Variants in CCDC77 observed in about 807,000 individuals in gnomAD.
CCDC77 encodes the protein coiled-coil domain containing 77, also known as coiled-coil domain-containing protein 77.
CCDC77 carries 56 observed loss-of-function variants against 66.8 expected under a neutral mutation model. The observed-to-expected ratio is 0.84, with a 90% confidence interval of 0.68 to 1.05. The LOEUF is 1.05. CCDC77 is among the 50% of genes least tolerant of loss of function. CCDC77 has a pLI of 0.00. For synonymous variants in CCDC77, 196 were observed against 195.2 expected, an observed-to-expected ratio of 1.00 and a Z score of -0.03; for missense variants, 570 against 576.8, an observed-to-expected ratio of 0.99 and a Z score of 0.12.
chr12:424,249 G>A (rs1591982505), intron 5 of CCDC77, among the ~76,000 whole-genome samples: 1 of 152,082 alleles, frequency 6.6e-6, no homozygotes, highest in East Asian at 1.9e-4. Context: ...GATTATAGAT[G>A]TGAGCCACCG....
chr12:413,132 G>A (rs7953355), intron 4 of CCDC77, among the ~76,000 whole-genome samples: 4,917 of 151,360 alleles, frequency 0.032, 212 homozygotes, highest in South Asian at 0.12. Context: ...TAGAGACGGG[G>A]TTTCACCGTG....
intron 9 of CCDC77, chr12:436,792 A>C: frequency 4.1e-6 from 4 of 982,716 alleles, no homozygotes; most frequent in South Asian, 9.4e-5. Flanking sequence ...CTTCCTAAGA[A>C]GGGCATGAAA....
intron 1 of CCDC77, among the ~76,000 whole-genome samples, 162 bp downstream of exon 1, chr12:401,846 A>G (rs1023771114): frequency 3.9e-5 from 6 of 152,160 alleles, no homozygotes; most frequent in African/African-American, 1.4e-4. Context: ...GGAAAGCTCC[A>G]ATGTGCAAAG....
At chr12:438,667 G>A in intron 10 of CCDC77, 113 bp downstream of exon 10, 1 of 736,284 alleles carries the variant, frequency 1.4e-6, no homozygotes, top group Non-Finnish European at 2.2e-6. Flanking sequence ...AGCTCTGGTA[G>A]CAGCTGCCTC....
chr12:407,913 G>T (rs1246834059), intron 2 of CCDC77, among the ~76,000 whole-genome samples: 1 of 146,016 alleles, frequency 6.8e-6, no homozygotes, highest in Non-Finnish European at 1.5e-5. Context: ...TCAGCCTCCC[G>T]AGTAGCTGGG....
intron 4 of CCDC77, among the ~76,000 whole-genome samples, chr12:412,925 T>C (rs907213676): frequency 1.3e-5 from 2 of 152,128 alleles, no homozygotes; most frequent in African/African-American, 4.8e-5. Context: ...CCTTCCTTTG[T>C]TTTTTCTCTG....
chr12:431,085 A>C (rs1945641289), intron 7 of CCDC77, among the ~76,000 whole-genome samples: 2 of 148,434 alleles, frequency 1.3e-5, no homozygotes, highest in East Asian at 2.0e-4. Flanking sequence ...AAAAAAAAAA[A>C]CAGAACACAC....
intron 4 of CCDC77, among the ~76,000 whole-genome samples, chr12:416,882 CGG>C (rs1945297064): frequency 1.3e-5 from 1 of 77,580 alleles, no homozygotes; most frequent in Admixed American, 2.1e-4. Flanking sequence ...CCGAGGCCGG[CGG>C]ATCACCTGGG....
Position 419,385 on chromosome 12 carries a change from G to A in CCDC77, c.413+749G>A, listed in dbSNP as rs116978457. Among the ~76,000 whole-genome samples the A allele has an allele frequency of 3.4e-4, 52 of 151,502 alleles. No individual in the cohort carries two copies. The East Asian group carries it at 8.1e-3, about 23-fold the overall frequency. On this transcript the variant is annotated intron_variant, in intron 5 of 12. Coordinates refer to ENST00000239830, the MANE Select transcript of CCDC77 (RefSeq NM_032358.4). ...GAGCTCCTGGGAGATATGGTCACAA[G>A]AAGGAGTCATAGCAGTACACTACAT...
intron 10 of CCDC77, among the ~76,000 whole-genome samples, chr12:440,264 A>G (rs756717267): frequency 3.9e-5 from 6 of 152,242 alleles, no homozygotes; most frequent in Non-Finnish European, 8.8e-5. Flanking sequence ...CATGTATAAT[A>G]AGCGTTGTTG....
At chr12:440,497 C>T in intron 10 of CCDC77, 120 bp from the exon 11 acceptor site, 1 of 1,151,904 alleles carries the variant, frequency 8.7e-7, no homozygotes, top group Non-Finnish European at 1.2e-6. Flanking sequence ...CATCTGGTTC[C>T]TTAACTCATT....
chr12:390,997 G>T (rs1591949956), intron 1 of CCDC77, among the ~76,000 whole-genome samples: 1 of 152,162 alleles, frequency 6.6e-6, no homozygotes, highest in Non-Finnish European at 1.5e-5. Flanking sequence ...AAATGTACAA[G>T]ATCACTCCAT....
intron 1 of CCDC77, among the ~76,000 whole-genome samples, chr12:393,849 G>T (rs1285388892): frequency 7.2e-5 from 11 of 152,138 alleles, no homozygotes; most frequent in Non-Finnish European, 1.6e-4. Flanking sequence ...TCCTTGAATG[G>T]ACTTTTTTAC....
At chr12:435,183 G>A (rs1040045743) in intron 9 of CCDC77, among the ~76,000 whole-genome samples, 8 of 143,486 alleles carry the variant, frequency 5.6e-5, no homozygotes, top group Admixed American at 1.4e-4. Context: ...TCCCATCCCC[G>A]TCTCAAGCCT....
chr12:411,841 C>T lies in CCDC77; in HGVS notation c.133C>T (p.Pro45Ser). ...DSLESTPLPS[P>S]EDRLAKLHPS... is the part of the protein sequence containing the mutation. ...ACTGGAGTCAACCCCCTTGCCTTCCCCCGAAGATCGTCTGGCCAAACTCCA... is the reference window on the plus strand; with the variant it reads ...ACTGGAGTCAACCCCCTTGCCTTCCTCCGAAGATCGTCTGGCCAAACTCCA... Residue 45 changes from proline to serine, a missense_variant, in exon 4 of 13, where the codon CCC becomes TCC. Physicochemically the swap from Pro to Ser is moderately conservative, Grantham distance 74 (BLOSUM62 -1). Coordinates refer to ENST00000239830, the MANE Select transcript of CCDC77 (RefSeq NM_032358.4). The T allele has an allele frequency of 6.2e-7, 1 of 1,613,906 alleles. No homozygotes were observed.
chr12:404,179 A>C (rs531246427), intron 1 of CCDC77, among the ~76,000 whole-genome samples: 1 of 152,294 alleles, frequency 6.6e-6, no homozygotes, highest in Non-Finnish European at 1.5e-5. Context: ...AATTAGCCAC[A>C]GTGGCAGGTG....
chr12:403,289 A>G (rs1944930432), intron 1 of CCDC77, among the ~76,000 whole-genome samples: 2 of 152,204 alleles, frequency 1.3e-5, no homozygotes, highest in African/African-American at 4.8e-5. Flanking sequence ...CAATAATAAT[A>G]ATAGTCCACA....
At chr12:413,383 C>A (rs973973153) in intron 4 of CCDC77, among the ~76,000 whole-genome samples, 1 of 150,274 alleles carries the variant, frequency 6.7e-6, no homozygotes, top group African/African-American at 2.5e-5. Flanking sequence ...ACTACTGGTG[C>A]CTGCCACCAT....
rs1945212981 is a variant in CCDC77, at chr12:415,352, C to CGT, written c.271-3142_271-3141insGT. On this transcript the variant is annotated intron_variant, in intron 4 of 12. Transcript: ENST00000239830. The stretch of plus-strand genomic sequence containing the variant: ...CATAATATTATGTTAATATAATCAA[C>CGT]ATAATATTATGTTAATATAATCAAC... 5.7e-5 allele frequency among the ~76,000 whole-genome samples: 7 copies of CGT among 123,216 alleles called. 1 individual carries two copies. The highest frequency in any genetic ancestry group is 9.0e-5 in the African/African-American group (3 of 33,362). 80.8% of individuals were successfully genotyped at this position (123,216 alleles called of 152,430 possible).
Sources: gnomAD v4.1 joint callset for allele counts (sites outside exome capture counted in the v4.1 genomes callset) on GRCh38, gnomAD v4.1.1 for gene constraint, MANE v1.5 for transcripts, NCBI Gene and HGNC (gene_info 2026-07-23, HGNC 2026-07-21) for gene names.